The following DSE variants were observed in gnomAD, a reference collection of about 807,000 sequenced individuals.
The protein encoded by DSE is dermatan-sulfate epimerase.
In DSE, 36 loss-of-function variants were observed where a neutral mutation model predicts 84.4. That is an observed-to-expected ratio of 0.43 (90% confidence interval 0.33 to 0.56). DSE has a LOEUF of 0.56. Ranked by LOEUF, DSE falls within the 20% of genes least tolerant of loss-of-function variation. DSE has a pLI of 0.06. For synonymous variants in DSE, 410 were observed against 430.1 expected (o/e 0.95, Z 0.58); for missense variants, 862 against 1,169.6 (o/e 0.74, Z 3.84).
chr6:116,427,183 T>G (rs1259525900), intron 3 of DSE, among the ~76,000 whole-genome samples: 1 of 152,214 alleles, frequency 6.6e-6, no homozygotes, highest in Admixed American at 6.5e-5. Flanking sequence ...CATGGTTGGT[T>G]ATTTGAAATG....
chr6:116,315,783 AGAG>A (rs1027385907), intron 2 of DSE, among the ~76,000 whole-genome samples: 7 of 152,300 alleles, frequency 4.6e-5, no homozygotes, highest in African/African-American at 1.4e-4. Flanking sequence ...AGGCAGATGA[AGAG>A]GTCAGGAGTT....
In DSE at chr6:116,438,556, A is replaced by G. The variant is rs577770437; in HGVS notation, c.*1211A>G. The G allele has an allele frequency of 6.6e-6, 1 of 152,200 alleles. No homozygotes were observed. Among genetic ancestry groups the G allele is most frequent in the Non-Finnish European group, 1.5e-5 (1 of 67,994 alleles). 9.4% of individuals were successfully genotyped at this position (152,200 alleles called of 1,614,324 possible). ...ACTCCTCAGAAGGTAACAGCAGCAT[A>G]GAATACTAGAAAAATAATCCATAGT... On this transcript the variant is annotated 3_prime_UTR_variant, in exon 6 of 6. Transcript: ENST00000644252.
chr6:116,323,568 C>A (rs2114768789), intron 2 of DSE, among the ~76,000 whole-genome samples: 1 of 152,204 alleles, frequency 6.6e-6, no homozygotes, highest in East Asian at 1.9e-4. Context: ...CAGGAAAAAC[C>A]TTTATATTAT....
intron 2 of DSE, among the ~76,000 whole-genome samples, chr6:116,293,050 T>G (rs1774390303): frequency 6.6e-6 from 1 of 152,150 alleles, no homozygotes; most frequent in African/African-American, 2.4e-5. Context: ...TTTTACACAT[T>G]GGATTTAAAA....
Position 116,426,714 on chromosome 6 carries a change from G to C in DSE, c.557G>C (p.Gly186Ala). 1 of 1,614,078 alleles carries C rather than the reference G, an allele frequency of 6.2e-7. No individual in the cohort carries two copies. Among genetic ancestry groups the C allele is most frequent in the Non-Finnish European group, 8.5e-7 (1 of 1,180,004 alleles). Residue 186 changes from glycine (G) to alanine (A), a missense_variant, in exon 3 of 6, where the codon GGG becomes GCG. By Grantham distance (60) the Gly-to-Ala change is moderately conservative. Coordinates refer to ENST00000644252, the MANE Select transcript of DSE (RefSeq NM_013352.4). The stretch of plus-strand genomic sequence containing the variant: ...CTTGAAGTGATTGCCAATGCCTCAG[G>C]GTATATGTATGAAACTTCATACAGG... ...KFLEVIANAS[G>A]YMYETSYRRG...
chr6:116,266,543 A>T, intron 2 of DSE, among the ~76,000 whole-genome samples: 1 of 152,302 alleles, frequency 6.6e-6, no homozygotes, highest in East Asian at 1.9e-4. Flanking sequence ...AGTAATTAAG[A>T]TTACTATTAT....
intron 2 of DSE, among the ~76,000 whole-genome samples, chr6:116,425,981 G>T (rs963368778): frequency 1.3e-5 from 2 of 152,342 alleles, no homozygotes; most frequent in Admixed American, 1.3e-4. Context: ...TTATGGGAAA[G>T]AGGGATGTAA....
chr6:116,304,363 A>AG (rs1248869699), intron 2 of DSE, among the ~76,000 whole-genome samples: 16 of 117,204 alleles, frequency 1.4e-4, no homozygotes, highest in Non-Finnish European at 3.0e-4. Context: ...TTTGAAATTC[A>AG]GATTTTTTTG....
chr6:116,301,941 C>T (rs1164974288), intron 2 of DSE, among the ~76,000 whole-genome samples: 2 of 152,132 alleles, frequency 1.3e-5, no homozygotes, highest in African/African-American at 2.4e-5. Flanking sequence ...CAGCTTCATC[C>T]GTGTCCCTGC....
intron 2 of DSE, among the ~76,000 whole-genome samples, chr6:116,299,193 G>A (rs1042368726): frequency 3.6e-4 from 54 of 152,054 alleles, no homozygotes; most frequent in Non-Finnish European, 4.4e-5. Context: ...ATGTGACCTA[G>A]AAATTGCACA....
At chr6:116,407,322 G>C (rs778691014) in intron 2 of DSE, among the ~76,000 whole-genome samples, 1 of 152,176 alleles carries the variant, frequency 6.6e-6, no homozygotes, top group Non-Finnish European at 1.5e-5. Context: ...ATATGGGGAG[G>C]AGAGAGTGGT....
In DSE at chr6:116,304,122, C is replaced by CAAA. The variant is rs10641724; in HGVS notation, c.-54+45168_-54+45170dup. Among the ~76,000 whole-genome samples, 13 of 111,024 alleles carry CAAA rather than the reference C, an allele frequency of 1.2e-4. No individual in the cohort carries two copies. The South Asian group carries it at 1.7e-3, about 15-fold the overall frequency. The allele number at this position is 111,024 out of a possible 152,430, so 72.8% of individuals were successfully genotyped here. A position where few individuals can be genotyped will look rare whatever the true frequency, so the allele number is the denominator to read the frequency against. On this transcript the variant is annotated intron_variant, in intron 2 of 3. Coordinates refer to the DSE transcript ENST00000430252. Reference sequence around the variant, plus strand: ...TGGGCGACAGAGCAAGACTCCGTCTCAAAAAAAAAAAAAAAGAAAGAAAAA... The same window carrying CAAA: ...TGGGCGACAGAGCAAGACTCCGTCTCAAAAAAAAAAAAAAAAAAGAAAGAAAAA...
intron 2 of DSE, among the ~76,000 whole-genome samples, chr6:116,322,031 G>A (rs1355170303): frequency 6.6e-6 from 1 of 152,196 alleles, no homozygotes; most frequent in East Asian, 1.9e-4. Context: ...CTCAAGAGCC[G>A]AGCTCCCCAA....
At chr6:116,320,355 C>A (rs1172275542) in intron 2 of DSE, among the ~76,000 whole-genome samples, 1 of 149,394 alleles carries the variant, frequency 6.7e-6, no homozygotes, top group Non-Finnish European at 1.5e-5. Context: ...ATGAGATTTT[C>A]TGGCAAGAAT....
chr6:116,398,154 TAAG>T (rs940436627), intron 1 of DSE, among the ~76,000 whole-genome samples: 1 of 152,200 alleles, frequency 6.6e-6, no homozygotes, highest in African/African-American at 2.4e-5. Flanking sequence ...TTTCCCCTCT[TAAG>T]AATTTTAAGA....
In DSE at chr6:116,371,035, C is replaced by T; in HGVS notation, c.-140C>T. ...CTCGGTTCGGAGGGGGCCGGGAGCCCGGGCGCCCTGGAGTGAGGAGGACCG... is the reference window on the plus strand; with the variant it reads ...CTCGGTTCGGAGGGGGCCGGGAGCCTGGGCGCCCTGGAGTGAGGAGGACCG... On this transcript the variant is annotated 5_prime_UTR_variant, in exon 1 of 6. Transcript: ENST00000644252. The T allele has an allele frequency of 1.0e-6, 1 of 985,774 alleles. No homozygotes were observed. Among genetic ancestry groups the T allele is most frequent in the Non-Finnish European group, 1.2e-6 (1 of 830,272 alleles). 61.1% of individuals were successfully genotyped at this position (985,774 alleles called of 1,614,324 possible). A position where few individuals can be genotyped will look rare whatever the true frequency, so the allele number is the denominator to read the frequency against.
intron 2 of DSE, among the ~76,000 whole-genome samples, chr6:116,328,151 G>A (rs1776735944): frequency 6.6e-6 from 1 of 152,212 alleles, no homozygotes; most frequent in South Asian, 2.1e-4. Flanking sequence ...GAAAGACGTA[G>A]TTTAGTTCCT....
chr6:116,397,543 C>T (rs1781339913), intron 1 of DSE, among the ~76,000 whole-genome samples: 1 of 152,034 alleles, frequency 6.6e-6, no homozygotes. Flanking sequence ...GGAATAAGCC[C>T]CTGGGGGGAC....
intron 2 of DSE, among the ~76,000 whole-genome samples, chr6:116,326,879 G>A (rs1451853882): frequency 1.3e-5 from 2 of 152,160 alleles, no homozygotes; most frequent in Non-Finnish European, 2.9e-5. Context: ...AATCTATAAA[G>A]AGGGAATGCC....
Sources: gnomAD v4.1 joint callset for allele counts (sites outside exome capture counted in the v4.1 genomes callset) on GRCh38, gnomAD v4.1.1 for gene constraint, MANE v1.5 for transcripts, NCBI Gene and HGNC (gene_info 2026-07-23, HGNC 2026-07-21) for gene names.